Variants in PSMA3 observed in about 807,000 individuals in gnomAD.
PSMA3 encodes the protein proteasome subunit alpha type-3.
In PSMA3, 8 loss-of-function variants were observed where a neutral mutation model predicts 40.0. The ratio of observed to expected loss-of-function variants is 0.20; its 90% confidence interval spans 0.12 to 0.36. The LOEUF is 0.36. Ranked by LOEUF, PSMA3 falls within the 10% of genes least tolerant of loss-of-function variation. The pLI is 1.00. For synonymous variants in PSMA3, 110 were observed against 100.0 expected (o/e 1.10, Z -0.59); for missense variants, 219 against 310.6 (o/e 0.70, Z 2.22).
chr14:58,244,879 T>C lies in PSMA3; in HGVS notation c.-42T>C, dbSNP rs1395608753. On this transcript the variant is annotated 5_prime_UTR_variant, in exon 1 of 11. Coordinates refer to ENST00000216455, the MANE Select transcript of PSMA3 (RefSeq NM_002788.4). Reference sequence around the variant, plus strand: ...GCATCCTGTGGTATAGGGGAAGCGCTCCGGGCCTGGAATCCCTACGCGTCC... The same window carrying C: ...GCATCCTGTGGTATAGGGGAAGCGCCCCGGGCCTGGAATCCCTACGCGTCC... 2 of 1,614,116 alleles carry C rather than the reference T, an allele frequency of 1.2e-6. No individual in the cohort carries two copies. Among genetic ancestry groups the C allele is most frequent in the Non-Finnish European group, 8.5e-7 (1 of 1,180,004 alleles).
intron 6 of PSMA3, among the ~76,000 whole-genome samples, chr14:58,261,520 G>A (rs537608218): frequency 6.6e-6 from 1 of 152,078 alleles, no homozygotes; most frequent in African/African-American, 2.4e-5. Context: ...GCAGAGGAAA[G>A]ATTTTTTTTC....
intron 1 of PSMA3, chr14:58,245,382 C>A (rs1050238812): frequency 4.2e-5 from 8 of 188,614 alleles, no homozygotes; most frequent in South Asian, 2.7e-4. Flanking sequence ...ATTCACAGGC[C>A]TTCTCTGTCT....
intron 6 of PSMA3, among the ~76,000 whole-genome samples, chr14:58,262,583 GAC>G (rs1890314899): frequency 6.8e-6 from 1 of 146,162 alleles, no homozygotes; most frequent in Non-Finnish European, 1.5e-5. Context: ...TTTTTTTTGA[GAC>G]AGAGTCTTGC....
At chr14:58,264,490 A>G (rs527634058) in intron 7 of PSMA3, among the ~76,000 whole-genome samples, 74 of 152,322 alleles carry the variant, frequency 4.9e-4, no homozygotes, top group Admixed American at 4.7e-3. Flanking sequence ...TACTGTTTCA[A>G]TATTATTGAT....
At chr14:58,253,117 T>G (rs1203774793) in intron 3 of PSMA3, among the ~76,000 whole-genome samples, 4 of 152,016 alleles carry the variant, frequency 2.6e-5, no homozygotes, top group Non-Finnish European at 5.9e-5. Context: ...CCCAAGTAGC[T>G]GGGACTACAG....
intron 5 of PSMA3, among the ~76,000 whole-genome samples, chr14:58,260,704 T>C (rs1274724555): frequency 2.0e-5 from 3 of 152,192 alleles, no homozygotes; most frequent in African/African-American, 7.2e-5. Context: ...CCTGTACTGC[T>C]AGACTTTCCA....
chr14:58,247,905 G>A (rs1594822764), intron 2 of PSMA3, 73 bp downstream of exon 2: 1 of 997,170 alleles, frequency 1.0e-6, no homozygotes. Flanking sequence ...GCTTTGTTAT[G>A]TTACTTTGGT....
intron 1 of PSMA3, among the ~76,000 whole-genome samples, chr14:58,246,663 C>T (rs954585376): frequency 1.3e-5 from 2 of 152,178 alleles, no homozygotes; most frequent in African/African-American, 4.8e-5. Flanking sequence ...TCCCAAAGTG[C>T]TGGGATTACA....
intron 2 of PSMA3, 21 bp from the exon 3 acceptor site, chr14:58,252,098 A>C (rs1211476905): frequency 2.0e-5 from 31 of 1,566,742 alleles, no homozygotes; most frequent in Non-Finnish European, 2.6e-5. Flanking sequence ...TAAAAAACTG[A>C]TTTTCTTCTC....
chr14:58,268,249 A>G (rs574428621), intron 8 of PSMA3: 2 of 152,288 alleles, frequency 1.3e-5, no homozygotes, highest in African/African-American at 4.8e-5. Flanking sequence ...TTTAGATTCA[A>G]AAGTTATGGA....
chr14:58,268,501 G>A (rs759786247), intron 8 of PSMA3, among the ~76,000 whole-genome samples: 4 of 151,440 alleles, frequency 2.6e-5, no homozygotes, highest in African/African-American at 4.9e-5. Flanking sequence ...CCTCCCCTCC[G>A]CCCTCCTAGT....
intron 2 of PSMA3, among the ~76,000 whole-genome samples, chr14:58,251,830 A>T (rs1185927566): frequency 6.6e-6 from 1 of 152,190 alleles, no homozygotes; most frequent in South Asian, 2.1e-4. Context: ...TGATTATCAT[A>T]AGCCAGACAC....
chr14:58,263,638 TTAG>T, intron 6 of PSMA3, 64 bp from the exon 7 acceptor site: 4 of 1,269,754 alleles, frequency 3.2e-6, no homozygotes, highest in African/African-American at 1.5e-5. Context: ...TATAGAAACA[TTAG>T]TAGTCATTAA....
In PSMA3 at chr14:58,247,770, A is replaced by G. The variant is rs1889911330; in HGVS notation, c.42A>G (p.Thr14=). 1 of 1,607,456 alleles carries G rather than the reference A, an allele frequency of 6.2e-7. No individual in the cohort carries two copies. The change falls in exon 2 of 11, where the codon ACA becomes ACG. Residue 14 remains threonine, a synonymous_variant. Coordinates refer to ENST00000216455, the MANE Select transcript of PSMA3 (RefSeq NM_002788.4). ...IGTGYDLSAS[T]FSPDGRVFQV... is the part of the protein sequence containing the mutation. ...TTAAGTATGACCTGTCAGCCTCTAC[A>G]TTCTCTCCTGACGGAAGAGTTTTTC...
rs200319799 is a variant in PSMA3 at position 58,244,876 on chromosome 14, C to A, written c.-45C>A. ...GCGGCATCCTGTGGTATAGGGGAAG[C>A]GCTCCGGGCCTGGAATCCCTACGCG... On this transcript the variant is annotated 5_prime_UTR_variant, in exon 1 of 11. Coordinates refer to ENST00000216455, the MANE Select transcript of PSMA3 (RefSeq NM_002788.4). 641 of 1,614,090 alleles carry A rather than the reference C, an allele frequency of 4.0e-4. 2 individuals carry two copies. Among genetic ancestry groups the A allele is most frequent in the Non-Finnish European group, 2.3e-5 (27 of 1,179,970 alleles).
At chr14:58,246,485 G>A (rs565997157) in intron 1 of PSMA3, among the ~76,000 whole-genome samples, 1 of 152,260 alleles carries the variant, frequency 6.6e-6, no homozygotes, top group African/African-American at 2.4e-5. Context: ...TGCAACCTGT[G>A]CCTCCCAGGT....
chr14:58,263,456 A>G (rs1029155899), intron 6 of PSMA3: 8 of 329,682 alleles, frequency 2.4e-5, no homozygotes, highest in African/African-American at 1.7e-4. Flanking sequence ...CTTAAAGTGT[A>G]TATGATTACA....
At chr14:58,259,758 G>C (rs1890228729) in intron 5 of PSMA3, among the ~76,000 whole-genome samples, 1 of 152,206 alleles carries the variant, frequency 6.6e-6, no homozygotes, top group Non-Finnish European at 1.5e-5. Context: ...AGGAGGCAAG[G>C]AAGAGTGTGA....
chr14:58,244,862 TG>T lies in PSMA3; in HGVS notation c.-57del. The T allele has an allele frequency of 6.2e-7, 1 of 1,613,106 alleles. No homozygotes were observed. The highest frequency in any genetic ancestry group is 8.5e-7 in the Non-Finnish European group (1 of 1,179,156). On this transcript the variant is annotated 5_prime_UTR_variant, in exon 1 of 11. Transcript: ENST00000216455. Reference sequence around the variant, plus strand: ...CCTGTTACTAGTTTGCGGCATCCTGTGGTATAGGGGAAGCGCTCCGGGCCTG... The same window carrying T: ...CCTGTTACTAGTTTGCGGCATCCTGTGTATAGGGGAAGCGCTCCGGGCCTG...
Sources: gnomAD v4.1 joint callset for allele counts (sites outside exome capture counted in the v4.1 genomes callset) on GRCh38, gnomAD v4.1.1 for gene constraint, MANE v1.5 for transcripts, NCBI Gene and HGNC (gene_info 2026-07-23, HGNC 2026-07-21) for gene names.